TRMT2A: variants seen among roughly 807,000 people sequenced by gnomAD.
The protein encoded by TRMT2A is tRNA (uracil-5-)-methyltransferase homolog A.
Under a neutral mutation model 59.3 loss-of-function variants are expected in TRMT2A, and 60 were observed. That is an observed-to-expected ratio of 1.01 (90% CI 0.82 to 1.26). The LOEUF (loss-of-function observed/expected upper bound fraction) is 1.26. Among genes scored for constraint, TRMT2A ranks in the 50% most tolerant of loss-of-function variants. The pLI is 0.00. For synonymous variants in TRMT2A, 403 were observed against 353.7 expected, an observed-to-expected ratio of 1.14 and a Z score of -1.56; for missense variants, 863 against 845.2, an observed-to-expected ratio of 1.02 and a Z score of -0.26.
chr22:20,113,673 C>T lies in TRMT2A; in HGVS notation c.1356+13G>A, dbSNP rs1386804620. On this transcript the variant is annotated intron_variant, in intron 8 of 11. Transcript: ENST00000252136. The stretch of plus-strand genomic sequence containing the variant: ...TGGGGAGAGGGTGCCCTCAGCAGGG[C>T]AGGAGGGCTCACCCGGGCCAGGGCC... 1.3e-6 allele frequency: 2 copies of T among 1,592,646 alleles called. No individual in the cohort carries two copies. Among genetic ancestry groups the T allele is most frequent in the Admixed American group, 3.4e-5 (2 of 58,300 alleles).
Position 20,116,101 on chromosome 22 carries a change from G to A in TRMT2A, c.536C>T (p.Pro179Leu). 1 of 1,606,268 alleles carries A rather than the reference G, an allele frequency of 6.2e-7. No homozygotes were observed. Among genetic ancestry groups the A allele is most frequent in the Non-Finnish European group, 8.5e-7 (1 of 1,174,668 alleles). Residue 179 changes from proline to leucine, a missense_variant, in exon 2 of 12, where the codon CCC becomes CTC. Transcript: ENST00000252136. ...ADVVTPLWTVPYAEQLERKQL... is the reference protein window; with the variant it reads ...ADVVTPLWTVLYAEQLERKQL... Reference sequence around the variant, plus strand: ...CTTCCGCTCAAGCTGCTCAGCATAGGGCACTGTCCATAGAGGGGTCACCAC... The same window carrying A: ...CTTCCGCTCAAGCTGCTCAGCATAGAGCACTGTCCATAGAGGGGTCACCAC...
rs2050013831 is a variant in TRMT2A, at chr22:20,116,246, C to T, written c.391G>A (p.Gly131Ser). Residue 131 changes from glycine (G) to serine (S), a missense_variant, in exon 2 of 12, where the codon GGT becomes AGT. Transcript: ENST00000252136. ...AGTGGGCGGCCTTTCCAGAGGGCAC[C>T]ATGCAAAACGCGCAGGGCCTTGTCC... The part of the protein sequence containing the change: ...ERDKALRVLH[G>S]ALWKGRPLSV... 2 of 1,612,862 alleles carry T rather than the reference C, an allele frequency of 1.2e-6. No individual in the cohort carries two copies. The highest frequency in any genetic ancestry group is 2.7e-5 in the African/African-American group (2 of 74,962).
Position 20,116,114 on chromosome 22 carries a change from G to C in TRMT2A, c.523C>G (p.Leu175Val), listed in dbSNP as rs760028349. Residue 175 changes from leucine to valine, a missense_variant, in exon 2 of 12, where the codon CTA becomes GTA. Leu to Val is a conservative substitution (Grantham distance 32). Transcript: ENST00000252136. ...VTRVADVVTP[L>V]WTVPYAEQLE... is the part of the protein sequence containing the mutation. ...TGCTCAGCATAGGGCACTGTCCATA[G>C]AGGGGTCACCACGTCGGCCACTCGT... is the stretch of plus-strand genomic sequence containing the variant. The C allele has an allele frequency of 6.2e-7, 1 of 1,612,290 alleles. No homozygotes were observed. The highest frequency in any genetic ancestry group is 8.5e-7 in the Non-Finnish European group (1 of 1,179,316).
rs879377585 is a variant in TRMT2A, at chr22:20,115,714, CTTG to C, written c.663_665del (p.Asn221del). On this transcript the variant is annotated inframe_deletion, in exon 3 of 12. Coordinates refer to ENST00000252136, the MANE Select transcript of TRMT2A (RefSeq NM_022727.6). Reference sequence around the variant, plus strand: ...TGACCCCCTCCAGCGGGCAGCAGGCCTTGTTGTGCTTGTGCCTCTGCTCGAGCA... The same window carrying C: ...TGACCCCCTCCAGCGGGCAGCAGGCCTTGTGCTTGTGCCTCTGCTCGAGCA... The C allele has an allele frequency of 9.9e-6, 16 of 1,612,974 alleles. No homozygotes were observed. The highest frequency in any genetic ancestry group is 2.2e-5 in the East Asian group (1 of 44,874).
At chr22:20,113,534 C>T (rs1158697326) in intron 8 of TRMT2A, 27 bp from the exon 9 acceptor site, 4 of 1,613,064 alleles carry the variant, frequency 2.5e-6, no homozygotes, top group Non-Finnish European at 3.4e-6. Flanking sequence ...TGGTGTCGCC[C>T]CACCCAGGGA....
rs566798710 is a variant in TRMT2A, at chr22:20,115,437, C to T, written c.719G>A (p.Arg240His). 1.9e-6 allele frequency: 3 copies of T among 1,608,606 alleles called. No individual in the cohort carries two copies. Among genetic ancestry groups the T allele is most frequent in the South Asian group, 1.1e-5 (1 of 90,916 alleles). Residue 240 changes from arginine to histidine, a missense_variant, in exon 4 of 12, where the codon CGT becomes CAT. By Grantham distance (29) the Arg-to-His change is conservative (BLOSUM62 0). Coordinates refer to ENST00000252136, the MANE Select transcript of TRMT2A (RefSeq NM_022727.6). ...VRPSPQQTEY[R>H]NKCEFLVGVG... is the part of the protein sequence containing the mutation. ...GCCAACCAGAAACTCACACTTATTA[C>T]GATACTCAGTCTGCAGGGAGAGAGA...
intron 9 of TRMT2A, 87 bp downstream of exon 9, chr22:20,113,345 G>A (rs2049905895): frequency 2.6e-6 from 4 of 1,528,744 alleles, no homozygotes; most frequent in Non-Finnish European, 3.5e-6. Context: ...CTGTCGGGCA[G>A]CCCCCAAGCC....
Position 20,112,375 on chromosome 22 carries a change from C to T in TRMT2A, c.*188G>A. 1 of 725,298 alleles carries T rather than the reference C, an allele frequency of 1.4e-6. No individual in the cohort carries two copies. Among genetic ancestry groups the T allele is most frequent in the East Asian group, 2.7e-5 (1 of 36,708 alleles). 44.9% of individuals were successfully genotyped at this position (725,298 alleles called of 1,614,324 possible). ...AAAGGCCCTGGGGATGGGCAACAGG[C>T]TACAGGAACCCACCTGTCTTCCTGG... is the stretch of plus-strand genomic sequence containing the variant. On this transcript the variant is annotated 3_prime_UTR_variant, in exon 12 of 12. Coordinates refer to ENST00000252136, the MANE Select transcript of TRMT2A (RefSeq NM_022727.6).
chr22:20,116,795 C>A, intron 1 of TRMT2A, 88 bp downstream of exon 1: 1 of 1,464,066 alleles, frequency 6.8e-7, no homozygotes, highest in Admixed American at 2.0e-5. Context: ...CCTGCCTCGT[C>A]CCCACCTATT....
chr22:20,112,408 C>A lies in TRMT2A; in HGVS notation c.*155G>T, dbSNP rs915946463. On this transcript the variant is annotated 3_prime_UTR_variant, in exon 12 of 12. Coordinates refer to ENST00000252136, the MANE Select transcript of TRMT2A (RefSeq NM_022727.6). ...ACCCACCTGTCTTCCTGGTCAGGGCCCCTGGCCCCTAGCAGCAGGCCAATC... is the reference window on the plus strand; with the variant it reads ...ACCCACCTGTCTTCCTGGTCAGGGCACCTGGCCCCTAGCAGCAGGCCAATC... The A allele has an allele frequency of 3.0e-6, 3 of 1,016,586 alleles. No homozygotes were observed. Among genetic ancestry groups the A allele is most frequent in the Non-Finnish European group, 4.2e-6 (3 of 707,108 alleles). 63.0% of individuals were successfully genotyped at this position (1,016,586 alleles called of 1,614,324 possible). A position where few individuals can be genotyped will look rare whatever the true frequency, so the allele number is the denominator to read the frequency against.
intron 9 of TRMT2A, 32 bp downstream of exon 9, chr22:20,113,400 T>TCCCCCCCCCCCCCCCCCCCCCTTGC: frequency 9.5e-7 from 1 of 1,049,436 alleles, no homozygotes; most frequent in Non-Finnish European, 1.4e-6. Context: ...GCTGCCCCCA[T>TCCCCCCCCCCCCCCCCCCCCCTTGC]CCCCACCCCC....
chr22:20,113,857 C>T, intron 7 of TRMT2A, 49 bp from the exon 8 acceptor site: 1 of 1,503,686 alleles, frequency 6.7e-7, no homozygotes, highest in Non-Finnish European at 8.9e-7. Flanking sequence ...TCCTGTGGTG[C>T]CACTGGTGCC....
At chr22:20,116,675 C>T (rs761168768) in intron 1 of TRMT2A, 63 bp from the exon 2 acceptor site, 26 of 1,497,836 alleles carry the variant, frequency 1.7e-5, no homozygotes, top group Non-Finnish European at 2.2e-5. Context: ...GCCCCCCAAG[C>T]TTCCTTATGG....
Position 20,116,238 on chromosome 22 carries a change from G to A in TRMT2A, c.399C>T (p.Leu133=), listed in dbSNP as rs750468744. ...GCACACTGAGTGGGCGGCCTTTCCA[G>A]AGGGCACCATGCAAAACGCGCAGGG... The part of the protein sequence containing the change: ...DKALRVLHGA[L]WKGRPLSVRL... The change falls in exon 2 of 12, where the codon CTC becomes CTT. Residue 133 remains leucine, a synonymous_variant. Coordinates refer to ENST00000252136, the MANE Select transcript of TRMT2A (RefSeq NM_022727.6). 4.3e-6 allele frequency: 7 copies of A among 1,613,012 alleles called. No individual in the cohort carries two copies. The highest frequency in any genetic ancestry group is 5.9e-6 in the Non-Finnish European group (7 of 1,180,030).
intron 3 of TRMT2A, 40 bp downstream of exon 3, chr22:20,115,632 C>G (rs1568973304): frequency 6.2e-7 from 1 of 1,608,720 alleles, no homozygotes; most frequent in Non-Finnish European, 8.5e-7. Flanking sequence ...TTTTTCAAAA[C>G]CCAGGATAGG....
At chr22:20,114,360 C>G (rs559187663) in intron 7 of TRMT2A, among the ~76,000 whole-genome samples, 63 of 150,594 alleles carry the variant, frequency 4.2e-4, no homozygotes, top group Non-Finnish European at 7.2e-4. Context: ...CCTCATCCTC[C>G]CTGTGACAAG....
chr22:20,113,950 AC>A, intron 7 of TRMT2A, 142 bp from the exon 8 acceptor site: 2 of 1,220,878 alleles, frequency 1.6e-6, no homozygotes, highest in Non-Finnish European at 2.2e-6. Context: ...GTCTTCCCTG[AC>A]CCCACCTTGG....
At chr22:20,113,361 T>G in intron 9 of TRMT2A, 71 bp downstream of exon 9, 1 of 1,555,184 alleles carries the variant, frequency 6.4e-7, no homozygotes, top group Non-Finnish European at 8.7e-7. Flanking sequence ...AAGCCCTGGC[T>G]GTGGCTGAGG....
Position 20,112,808 on chromosome 22 carries a change from AG to A in TRMT2A, c.1647-15del, listed in dbSNP as rs34592023. On this transcript the variant is annotated splice_polypyrimidine_tract_variant and intron_variant, in intron 11 of 11. Transcript: ENST00000252136. The stretch of plus-strand genomic sequence containing the variant: ...GCTCTGCAGAGGCTGTGGGGGGAAA[AG>A]GGGGGCGCTAAGGTCAGCCGATAGG... The A allele has an allele frequency of 3.5e-5, 56 of 1,612,472 alleles. No homozygotes were observed. In the Admixed American group the frequency reaches 9.3e-4, roughly 27 times the overall value.
Sources: allele counts gnomAD v4.1 joint callset (sites outside exome capture counted in the v4.1 genomes callset), GRCh38; gene constraint gnomAD v4.1.1; transcripts MANE v1.5; gene names NCBI Gene and HGNC (gene_info 2026-07-23, HGNC 2026-07-21).